The following RALGAPA2 variants were observed in gnomAD, a reference collection of about 807,000 sequenced individuals.
The protein encoded by RALGAPA2 is Ral GTPase activating protein catalytic subunit alpha 2.
Under a neutral mutation model 230.4 loss-of-function variants are expected in RALGAPA2, and 139 were observed. The observed-to-expected ratio is 0.60, with a 90% CI of 0.53 to 0.69. The LOEUF is 0.69. RALGAPA2 is among the 30% of genes least tolerant of loss of function. RALGAPA2 has a pLI of 0.00. For synonymous variants in RALGAPA2, 847 were observed against 837.8 expected (o/e 1.01, Z -0.19); for missense variants, 2,163 against 2,276.0 (o/e 0.95, Z 1.01).
intron 38 of RALGAPA2, among the ~76,000 whole-genome samples, chr20:20,410,604 A>T (rs1252188615): frequency 6.6e-6 from 1 of 152,386 alleles, no homozygotes; most frequent in African/African-American, 2.4e-5. Flanking sequence ...ATCTCTAGCC[A>T]GACCGAGTAT....
intron 1 of RALGAPA2, among the ~76,000 whole-genome samples, chr20:20,702,943 C>T (rs780874959): frequency 2.8e-4 from 42 of 152,226 alleles, no homozygotes; most frequent in South Asian, 4.2e-4. Flanking sequence ...GAGGCCGAGG[C>T]GGACTAATCA....
intron 37 of RALGAPA2, among the ~76,000 whole-genome samples, chr20:20,421,531 G>A (rs1327218895): frequency 1.3e-5 from 2 of 152,186 alleles, no homozygotes; most frequent in Non-Finnish European, 2.9e-5. Flanking sequence ...TTAGCTGGGT[G>A]TGATGGTCCA....
intron 21 of RALGAPA2, 145 bp downstream of exon 21, chr20:20,572,730 A>C: frequency 1.4e-6 from 1 of 707,776 alleles, no homozygotes; most frequent in South Asian, 3.1e-5. Flanking sequence ...ATATATGATT[A>C]TTCTTTGATA....
chr20:20,493,430 C>A (rs1331957084), intron 36 of RALGAPA2, among the ~76,000 whole-genome samples: 1 of 152,106 alleles, frequency 6.6e-6, no homozygotes, highest in African/African-American at 2.4e-5. Flanking sequence ...ATTAAATGTG[C>A]AAACATTTTA....
chr20:20,666,268 G>A (rs1666087793), intron 3 of RALGAPA2, among the ~76,000 whole-genome samples: 1 of 152,134 alleles, frequency 6.6e-6, no homozygotes, highest in African/African-American at 2.4e-5. Flanking sequence ...AATTGATAGT[G>A]GCTTTTTCTC....
chr20:20,653,005 AC>A (rs1230381295), intron 4 of RALGAPA2, among the ~76,000 whole-genome samples: 1 of 151,922 alleles, frequency 6.6e-6, no homozygotes, highest in Non-Finnish European at 1.5e-5. Flanking sequence ...AGCCTGGCCA[AC>A]ATGGTGAAAC....
At chr20:20,467,562 CATTGATTG>C (rs151295621) in intron 37 of RALGAPA2, among the ~76,000 whole-genome samples, 185 of 152,090 alleles carry the variant, frequency 1.2e-3, no homozygotes, top group South Asian at 9.8e-3. Flanking sequence ...GTGCAAGAGC[CATTGATTG>C]ATTGATTGAT....
chr20:20,420,967 G>A (rs767706270), intron 37 of RALGAPA2, among the ~76,000 whole-genome samples: 2 of 152,146 alleles, frequency 1.3e-5, no homozygotes, highest in African/African-American at 4.8e-5. Context: ...AAAATAACAC[G>A]TTTTCATTTT....
chr20:20,667,445 C>T (rs1233326714), intron 3 of RALGAPA2, among the ~76,000 whole-genome samples: 1 of 152,218 alleles, frequency 6.6e-6, no homozygotes, highest in African/African-American at 2.4e-5. Context: ...GCCATCCAAT[C>T]CAGCATAACA....
chr20:20,570,227 C>T (rs189320360), intron 23 of RALGAPA2, among the ~76,000 whole-genome samples: 149 of 152,180 alleles, frequency 9.8e-4, no homozygotes, highest in Non-Finnish European at 1.5e-3. Flanking sequence ...CTCACTAGGA[C>T]AGTATGGTTA....
At chr20:20,604,266 T>G (rs994707543) in intron 15 of RALGAPA2, among the ~76,000 whole-genome samples, 1 of 152,212 alleles carries the variant, frequency 6.6e-6, no homozygotes, top group African/African-American at 2.4e-5. Flanking sequence ...CCAAGGACCA[T>G]GCCACATCCT....
intron 3 of RALGAPA2, among the ~76,000 whole-genome samples, chr20:20,655,726 A>G (rs943355975): frequency 2.0e-5 from 3 of 152,176 alleles, no homozygotes; most frequent in Non-Finnish European, 1.5e-5. Context: ...CACAGTCACT[A>G]AAGAGAGGCA....
At chr20:20,538,045 G>A (rs1444320400) in intron 24 of RALGAPA2, among the ~76,000 whole-genome samples, 4 of 152,188 alleles carry the variant, frequency 2.6e-5, no homozygotes, top group African/African-American at 9.6e-5. Context: ...ATCAAAGAGA[G>A]CTTTTCTCCC....
rs781741370 is a variant in RALGAPA2, at chr20:20,412,160, G to A, written c.5496-12C>T. On this transcript the variant is annotated splice_polypyrimidine_tract_variant and intron_variant, in intron 37 of 39. Coordinates refer to ENST00000202677, the MANE Select transcript of RALGAPA2 (RefSeq NM_020343.4). ...CTCGCTCTTCATAGCTGCGGTAATC[G>A]GTTAAGGAAACAAGTGCACGTGCAA... 2.5e-6 allele frequency: 4 copies of A among 1,613,294 alleles called. No individual in the cohort carries two copies. Among genetic ancestry groups the A allele is most frequent in the East Asian group, 2.2e-5 (1 of 44,870 alleles).
Position 20,546,886 on chromosome 20 carries a change from A to G in RALGAPA2, c.3157-54T>C, listed in dbSNP as rs1419683190. On this transcript the variant is annotated intron_variant, in intron 23 of 39. Coordinates refer to ENST00000202677, the MANE Select transcript of RALGAPA2 (RefSeq NM_020343.4). ...TCGTAATGTTCAAACACAAAATTCC[A>G]AAGTAGTGTTTGTAGTGGTACATAT... 2.6e-6 allele frequency: 4 copies of G among 1,511,704 alleles called. No homozygotes were observed. The African/African-American group carries it at 5.6e-5, about 21-fold the overall frequency. 93.6% of individuals were successfully genotyped at this position (1,511,704 alleles called of 1,614,324 possible). A position where few individuals can be genotyped will look rare whatever the true frequency, so the allele number is the denominator to read the frequency against.
intron 11 of RALGAPA2, 41 bp from the exon 12 acceptor site, chr20:20,619,455 C>A (rs1377025100): frequency 4.2e-6 from 6 of 1,435,210 alleles, no homozygotes; most frequent in African/African-American, 2.8e-5. Context: ...GGAAGATGCA[C>A]GTGTTTAACT....
At chr20:20,583,694 T>C (rs1330922343) in intron 19 of RALGAPA2, among the ~76,000 whole-genome samples, 1 of 152,208 alleles carries the variant, frequency 6.6e-6, no homozygotes, top group Non-Finnish European at 1.5e-5. Flanking sequence ...TTCAGGGTCA[T>C]CTGGGGATAT....
chr20:20,541,404 A>G (rs1381690570), intron 24 of RALGAPA2, among the ~76,000 whole-genome samples: 2 of 152,234 alleles, frequency 1.3e-5, no homozygotes, highest in Non-Finnish European at 2.9e-5. Context: ...CTAATAATGA[A>G]ATAGAACAAT....
chr20:20,495,523 G>C (rs1310448536), intron 35 of RALGAPA2, among the ~76,000 whole-genome samples: 1 of 152,230 alleles, frequency 6.6e-6, no homozygotes, highest in African/African-American at 2.4e-5. Flanking sequence ...AGCTGGATGG[G>C]GCTGAGGCCT....
Sources: gnomAD v4.1 joint callset for allele counts (sites outside exome capture counted in the v4.1 genomes callset) on GRCh38, gnomAD v4.1.1 for gene constraint, MANE v1.5 for transcripts, NCBI Gene and HGNC (gene_info 2026-07-23, HGNC 2026-07-21) for gene names.